Variants in FYB1 observed in about 807,000 individuals in gnomAD.
The protein encoded by FYB1 is FYN binding protein 1.
FYB1 carries 41 observed loss-of-function variants against 94.1 expected under a neutral mutation model. The ratio of observed to expected loss-of-function variants is 0.44; its 90% confidence interval spans 0.34 to 0.57. The LOEUF (loss-of-function observed/expected upper bound fraction) is 0.57, where lower values mean the gene tolerates loss of function less well. Ranked by LOEUF, FYB1 falls within the 20% of genes least tolerant of loss-of-function variation. The probability of loss-of-function intolerance (pLI) is 0.02; values close to 1 mark genes in which losing one functional copy is unlikely to be tolerated. For synonymous variants in FYB1, 367 were observed against 353.2 expected (o/e 1.04, Z -0.44); for missense variants, 1,050 against 976.8 (o/e 1.07, Z -1.00).
At chr5:39,174,359 C>T (rs1241083851) in intron 2 of FYB1, among the ~76,000 whole-genome samples, 1 of 152,084 alleles carries the variant, frequency 6.6e-6, no homozygotes, top group African/African-American at 2.4e-5. Context: ...AATTTCTGTT[C>T]CTAGAGATAG....
chr5:39,162,772 G>A (rs1285805211), intron 2 of FYB1, among the ~76,000 whole-genome samples: 2 of 151,596 alleles, frequency 1.3e-5, no homozygotes, highest in African/African-American at 4.9e-5. Flanking sequence ...AACTTCACTG[G>A]CATGTATATT....
At chr5:39,250,800 A>G (rs1751682640) in intron 1 of FYB1, 1 of 152,214 alleles carries the variant, frequency 6.6e-6, no homozygotes, top group Non-Finnish European at 1.5e-5. Context: ...GGAAGTGGCT[A>G]GAAAAACTTT....
intron 2 of FYB1, among the ~76,000 whole-genome samples, chr5:39,165,534 A>G (rs1286610303): frequency 6.6e-6 from 1 of 152,264 alleles, no homozygotes; most frequent in African/African-American, 2.4e-5. Context: ...AAGCTATAAA[A>G]ATACTAAAAG....
chr5:39,138,928 A>T, intron 5 of FYB1: 1 of 564,036 alleles, frequency 1.8e-6, no homozygotes, highest in Middle Eastern at 4.8e-4. Context: ...TATTTAAAAT[A>T]TTTTTTTTCT....
chr5:39,143,638 C>G (rs919126788), intron 3 of FYB1, among the ~76,000 whole-genome samples: 5 of 152,122 alleles, frequency 3.3e-5, no homozygotes, highest in Non-Finnish European at 7.4e-5. Context: ...ATTACTTGAA[C>G]AAGAGATGCT....
intron 3 of FYB1, among the ~76,000 whole-genome samples, chr5:39,142,315 G>T (rs1422444020): frequency 6.6e-6 from 1 of 152,008 alleles, no homozygotes; most frequent in Admixed American, 6.5e-5. Context: ...AGATGACCTT[G>T]TTTCTTCTTT....
At chr5:39,200,233 T>C (rs1748191594) in intron 2 of FYB1, among the ~76,000 whole-genome samples, 1 of 152,164 alleles carries the variant, frequency 6.6e-6, no homozygotes, top group Non-Finnish European at 1.5e-5. Flanking sequence ...TTTACTTCAC[T>C]AAAAATCAGA....
At chr5:39,169,908 T>G in intron 2 of FYB1, 2 of 614,934 alleles carry the variant, frequency 3.3e-6, no homozygotes, top group Non-Finnish European at 6.2e-6. Context: ...CCTTTTTGAT[T>G]TCCACCCTCC....
At chr5:39,134,132 A>C in intron 9 of FYB1, 76 bp downstream of exon 9, 2 of 1,175,292 alleles carry the variant, frequency 1.7e-6, no homozygotes, top group Non-Finnish European at 2.4e-6. Context: ...GGAGGGTAAA[A>C]TTCTAGGATC....
At chr5:39,268,347 C>T (rs1283412985) in intron 1 of FYB1, among the ~76,000 whole-genome samples, 2 of 151,624 alleles carry the variant, frequency 1.3e-5, no homozygotes, top group Non-Finnish European at 2.9e-5. Flanking sequence ...CCTGCATCAG[C>T]CTCCCTAGTA....
chr5:39,226,468 C>T (rs1205186672), intron 1 of FYB1, among the ~76,000 whole-genome samples: 1 of 152,156 alleles, frequency 6.6e-6, no homozygotes, highest in Non-Finnish European at 1.5e-5. Flanking sequence ...ACTACCTCTT[C>T]ACTTGCATGT....
At chr5:39,171,171 T>C (rs1745216816) in intron 2 of FYB1, among the ~76,000 whole-genome samples, 1 of 151,768 alleles carries the variant, frequency 6.6e-6, no homozygotes, top group South Asian at 2.1e-4. Context: ...AAGCCTGTAA[T>C]CCCAGCTACT....
rs569468502 is a variant in FYB1, at chr5:39,162,908, A to G, written c.1136-9304T>C. Among the ~76,000 whole-genome samples, 3 of 152,168 alleles carry G rather than the reference A, an allele frequency of 2.0e-5. No homozygotes were observed. In the East Asian group the frequency reaches 5.8e-4, roughly 29 times the overall value. ...GTTTATAAGACATTTTATTTGTGTGAGTATGTCTTCTTTATAAAGAATATT... is the reference window on the plus strand; with the variant it reads ...GTTTATAAGACATTTTATTTGTGTGGGTATGTCTTCTTTATAAAGAATATT... On this transcript the variant is annotated intron_variant, in intron 2 of 18. Coordinates refer to ENST00000512982, the MANE Select transcript of FYB1 (RefSeq NM_001465.6).
intron 2 of FYB1, among the ~76,000 whole-genome samples, chr5:39,154,360 T>C (rs1440013094): frequency 1.3e-5 from 2 of 152,234 alleles, no homozygotes; most frequent in African/African-American, 4.8e-5. Context: ...TGCCTTGTTT[T>C]CCTAAATATG....
At chr5:39,120,091 C>T (rs1739949486) in intron 14 of FYB1, among the ~76,000 whole-genome samples, 1 of 152,114 alleles carries the variant, frequency 6.6e-6, no homozygotes, top group Non-Finnish European at 1.5e-5. Flanking sequence ...GTTTTGTTCA[C>T]ATCTACTTAA....
Position 39,271,858 on chromosome 5 carries a change from T to C in FYB1, c.-28+2545A>G, listed in dbSNP as rs183552134. 8.3e-3 allele frequency among the ~76,000 whole-genome samples: 1,262 copies of C among 152,144 alleles called. 8 individuals carry two copies. Among genetic ancestry groups the C allele is most frequent in the Non-Finnish European group, 0.014 (936 of 68,016 alleles). ...TATCTTACACATAATACATGCTTAA[T>C]GAATGAATAGAGGAGGAAGAGCAAA... is the stretch of plus-strand genomic sequence containing the variant. On this transcript the variant is annotated intron_variant, in intron 1 of 1. Coordinates refer to the FYB1 transcript ENST00000510188.
chr5:39,141,459 G>C (rs1659099124), intron 3 of FYB1, among the ~76,000 whole-genome samples: 1 of 152,040 alleles, frequency 6.6e-6, no homozygotes, highest in African/African-American at 2.4e-5. Context: ...GGATTATGAG[G>C]GCATTTAATT....
intron 1 of FYB1, among the ~76,000 whole-genome samples, chr5:39,262,769 C>A (rs560767196): frequency 6.6e-6 from 1 of 151,796 alleles, no homozygotes; most frequent in Non-Finnish European, 1.5e-5. Context: ...TTGAAAAAAA[C>A]CCAATGTAGA....
At chr5:39,231,147 C>CA (rs747268330) in intron 1 of FYB1, among the ~76,000 whole-genome samples, 1,545 of 40,298 alleles carry the variant, frequency 0.038, 65 homozygotes, top group African/African-American at 0.089. Context: ...CAGCTCAGAG[C>CA]AAAAAAAAAA....
Sources: allele counts gnomAD v4.1 joint callset (sites outside exome capture counted in the v4.1 genomes callset), GRCh38; gene constraint gnomAD v4.1.1; transcripts MANE v1.5; gene names NCBI Gene and HGNC (gene_info 2026-07-23, HGNC 2026-07-21).